The following GRID2 variants were observed in gnomAD, a reference collection of about 807,000 sequenced individuals.
The protein encoded by GRID2 is glutamate receptor ionotropic, delta-2.
In GRID2, 33 loss-of-function variants were observed where a neutral mutation model predicts 114.8. The observed-to-expected ratio is 0.29, with a 90% CI of 0.22 to 0.38. The LOEUF is 0.38. Ranked by LOEUF, GRID2 falls within the 10% of genes least tolerant of loss-of-function variation. GRID2 has a pLI of 1.00. For missense variants in GRID2, 1,184 were observed against 1,257.7 expected (o/e 0.94, Z 0.89); for synonymous variants, 505 against 449.9 (o/e 1.12, Z -1.55).
At chr4:93,088,307 A>T (rs115249420) in intron 3 of GRID2, among the ~76,000 whole-genome samples, 1,996 of 152,286 alleles carry the variant, frequency 0.013, 40 homozygotes, top group African/African-American at 0.046. Flanking sequence ...AAAATAGGTT[A>T]GGAAGTGTTC....
intron 2 of GRID2, among the ~76,000 whole-genome samples, chr4:92,954,690 G>A (rs1216887316): frequency 1.4e-5 from 2 of 144,498 alleles, no homozygotes; most frequent in Non-Finnish European, 3.0e-5. Flanking sequence ...ATGTATACAT[G>A]TGCCATGCTG....
chr4:93,384,703 T>C (rs574661068), intron 8 of GRID2, among the ~76,000 whole-genome samples: 1 of 152,286 alleles, frequency 6.6e-6, no homozygotes, highest in East Asian at 1.9e-4. Context: ...TGCACGGTGG[T>C]TGTATTATTA....
chr4:93,172,758 A>G (rs532126520), intron 4 of GRID2, among the ~76,000 whole-genome samples: 9 of 152,296 alleles, frequency 5.9e-5, no homozygotes, highest in Admixed American at 5.2e-4. Flanking sequence ...ACTTTAAAGA[A>G]TCTAAGTTAA....
chr4:92,978,621 A>G (rs1333155315), intron 2 of GRID2, among the ~76,000 whole-genome samples: 3 of 152,138 alleles, frequency 2.0e-5, no homozygotes, highest in African/African-American at 2.4e-5. Flanking sequence ...CAAATTATGG[A>G]TGTTGTTAGT....
At chr4:93,196,052 G>A (rs1371885352) in intron 4 of GRID2, among the ~76,000 whole-genome samples, 2 of 152,108 alleles carry the variant, frequency 1.3e-5, no homozygotes, top group African/African-American at 2.4e-5. Context: ...TTCGAACACC[G>A]TAAGGTAATT....
intron 14 of GRID2, among the ~76,000 whole-genome samples, chr4:93,728,016 G>T (rs551724251): frequency 2.8e-4 from 42 of 151,960 alleles, no homozygotes; most frequent in Non-Finnish European, 4.7e-4. Context: ...GTTATTTCTT[G>T]CCTTCTGCTA....
At chr4:92,366,212 C>T (rs1463698747) in intron 1 of GRID2, among the ~76,000 whole-genome samples, 2 of 151,910 alleles carry the variant, frequency 1.3e-5, no homozygotes, top group African/African-American at 4.8e-5. Context: ...ATCAAGAAGC[C>T]AGCTAAGTGC....
Position 92,593,635 on chromosome 4 carries a change from T to C in GRID2, c.244+3349T>C, listed in dbSNP as rs149329385. On this transcript the variant is annotated intron_variant, in intron 2 of 15. Transcript: ENST00000282020. ...TTAATTTTGTCAGTATTTGGTAACA[T>C]TGATTTCAGATCTTTGAAATACATG... Among the ~76,000 whole-genome samples the C allele has an allele frequency of 4.9e-3, 751 of 152,076 alleles. 6 individuals are homozygous for C. Among genetic ancestry groups the C allele is most frequent in the African/African-American group, 0.017 (712 of 41,538 alleles).
rs896662245 is a variant in GRID2, at chr4:93,197,669, C to T, written c.736-9735C>T. On this transcript the variant is annotated intron_variant, in intron 4 of 15. Coordinates refer to ENST00000282020, the MANE Select transcript of GRID2 (RefSeq NM_001510.4). ...TGTAATGTTCCAGATGCTTTAGATA[C>T]ATTTAGCCATTTAGTCCTCACTATG... Among the ~76,000 whole-genome samples, 114 of 152,188 alleles carry T rather than the reference C, an allele frequency of 7.5e-4. 1 individual carries two copies. Among genetic ancestry groups the T allele is most frequent in the African/African-American group, 2.7e-3 (113 of 41,536 alleles).
intron 2 of GRID2, among the ~76,000 whole-genome samples, chr4:93,042,299 CTA>C (rs771214923): frequency 0.02 from 2,064 of 102,516 alleles, 31 homozygotes; most frequent in African/African-American, 0.056. Flanking sequence ...CTCTCTCTCT[CTA>C]TATATATATA....
At chr4:92,760,619 C>G (rs1210846582) in intron 2 of GRID2, among the ~76,000 whole-genome samples, 1 of 152,184 alleles carries the variant, frequency 6.6e-6, no homozygotes, top group Non-Finnish European at 1.5e-5. Context: ...CTCTCACACA[C>G]TGCCAAATTG....
chr4:93,091,096 C>A (rs1396198626), intron 3 of GRID2, among the ~76,000 whole-genome samples: 1 of 152,088 alleles, frequency 6.6e-6, no homozygotes, highest in East Asian at 1.9e-4. Context: ...TGCTTTTAAG[C>A]TACAGTAGCA....
chr4:93,279,524 G>T (rs1175526444), intron 8 of GRID2, among the ~76,000 whole-genome samples: 8 of 151,696 alleles, frequency 5.3e-5, no homozygotes, highest in Non-Finnish European at 1.2e-4. Flanking sequence ...AGATCTAGAA[G>T]TAATTTTAAT....
intron 9 of GRID2, among the ~76,000 whole-genome samples, chr4:93,396,424 G>T (rs1251913172): frequency 6.6e-6 from 1 of 151,988 alleles, no homozygotes; most frequent in Admixed American, 6.6e-5. Flanking sequence ...ATCACATTGT[G>T]TAGGGCTTAT....
chr4:92,734,280 CT>C lies in GRID2; in HGVS notation c.244+143997del, dbSNP rs555413567. On this transcript the variant is annotated intron_variant, in intron 2 of 15. Coordinates refer to ENST00000282020, the MANE Select transcript of GRID2 (RefSeq NM_001510.4). ...CACTCTATTTTTTTCTTTTTATTTT[CT>C]TTGCTTTACTTTACTTTTTTTTTAA... 9.9e-4 allele frequency among the ~76,000 whole-genome samples: 149 copies of C among 151,082 alleles called. 1 individual carries two copies. Among genetic ancestry groups the C allele is most frequent in the African/African-American group, 3.6e-3 (147 of 41,156 alleles).
intron 13 of GRID2, among the ~76,000 whole-genome samples, chr4:93,534,325 A>G (rs1202510938): frequency 6.6e-6 from 1 of 152,102 alleles, no homozygotes; most frequent in Non-Finnish European, 1.5e-5. Context: ...GGTTTACAAC[A>G]TGGTGTTTTG....
At chr4:92,984,027 T>A (rs1313282960) in intron 2 of GRID2, among the ~76,000 whole-genome samples, 4 of 152,218 alleles carry the variant, frequency 2.6e-5, no homozygotes, top group African/African-American at 9.6e-5. Flanking sequence ...TCAGTGTTTT[T>A]GATTGATAAA....
At chr4:93,731,039 G>A (rs1425384072) in intron 14 of GRID2, among the ~76,000 whole-genome samples, 1 of 152,230 alleles carries the variant, frequency 6.6e-6, no homozygotes, top group East Asian at 1.9e-4. Flanking sequence ...AGTTGGCCCT[G>A]AAAATCACTC....
intron 2 of GRID2, among the ~76,000 whole-genome samples, chr4:93,019,212 C>A (rs374105921): frequency 6.6e-6 from 1 of 152,140 alleles, no homozygotes; most frequent in Non-Finnish European, 1.5e-5. Context: ...CATTCATATA[C>A]ACACACATAC....
Sources: allele counts gnomAD v4.1 joint callset (sites outside exome capture counted in the v4.1 genomes callset), GRCh38; gene constraint gnomAD v4.1.1; transcripts MANE v1.5; gene names NCBI Gene and HGNC (gene_info 2026-07-23, HGNC 2026-07-21).